Variants in ADGRA1 observed in about 807,000 individuals in gnomAD.
ADGRA1 encodes the protein adhesion G protein-coupled receptor A1.
ADGRA1 carries 12 observed loss-of-function variants against 21.3 expected under a neutral mutation model. That is an observed-to-expected ratio of 0.56 (90% CI 0.36 to 0.91). ADGRA1 has a LOEUF of 0.91. ADGRA1 is among the 40% of genes least tolerant of loss of function. The pLI is 0.01. For missense variants in ADGRA1, 790 were observed against 805.6 expected, an observed-to-expected ratio of 0.98 and a Z score of 0.23; for synonymous variants, 385 against 368.8, an observed-to-expected ratio of 1.04 and a Z score of -0.50.
intron 5 of ADGRA1, among the ~76,000 whole-genome samples, chr10:133,110,066 C>G (rs1395316376): frequency 6.6e-6 from 1 of 152,226 alleles, no homozygotes; most frequent in Non-Finnish European, 1.5e-5. Flanking sequence ...TGTGGTTTGT[C>G]TCCACAGAAG....
chr10:133,089,037 G>A (rs940605534), intron 2 of ADGRA1, 125 bp downstream of exon 2: 32 of 1,234,302 alleles, frequency 2.6e-5, no homozygotes, highest in East Asian at 3.2e-5. Context: ...CGGGCTTCCG[G>A]GCTCAGTGCC....
chr10:133,100,421 G>A (rs1466341844), intron 4 of ADGRA1, among the ~76,000 whole-genome samples: 2 of 152,232 alleles, frequency 1.3e-5, no homozygotes, highest in Non-Finnish European at 2.9e-5. Flanking sequence ...CTGGATCCGC[G>A]GGTGAGGCCC....
At chr10:133,096,677 T>A (rs967186995) in intron 2 of ADGRA1, among the ~76,000 whole-genome samples, 4 of 152,190 alleles carry the variant, frequency 2.6e-5, no homozygotes, top group Non-Finnish European at 4.4e-5. Context: ...GGCCGATACA[T>A]GGCCCCAGGA....
rs1324243562 is a variant in ADGRA1, at chr10:133,128,846, C to T, written c.1018C>T (p.Arg340Cys). ...TGACGCCAACGGGGCCGCGCTGGGC[C>T]GCGCCGCCTGCCTGCACTCGCCGGG... The part of the protein sequence containing the change: ...ALDANGAALG[R>C]AACLHSPGLG... The change falls in exon 7 of 7, where the codon CGC (arginine) becomes TGC (cysteine). Residue 340 changes from arginine to cysteine, a missense_variant. Physicochemically the swap from Arg to Cys is radical, Grantham distance 180. Transcript: ENST00000392607. 6.3e-6 allele frequency: 10 copies of T among 1,587,724 alleles called. No individual in the cohort carries two copies. Among genetic ancestry groups the T allele is most frequent in the East Asian group, 2.3e-5 (1 of 43,976 alleles).
At chr10:133,111,118 G>A (rs1010247488) in intron 5 of ADGRA1, among the ~76,000 whole-genome samples, 1 of 150,824 alleles carries the variant, frequency 6.6e-6, no homozygotes, top group Non-Finnish European at 1.5e-5. Context: ...AATCCTGCTG[G>A]CCACCTGCCC....
At chr10:133,105,199 C>A (rs1851870901) in intron 5 of ADGRA1, among the ~76,000 whole-genome samples, 1 of 152,252 alleles carries the variant, frequency 6.6e-6, no homozygotes, top group South Asian at 2.1e-4. Flanking sequence ...CCCACACCCT[C>A]TCTGGCCGTT....
Position 133,096,558 on chromosome 10 carries a change from G to C in ADGRA1, c.4-416G>C, listed in dbSNP as rs138413358. ...CGATGAGTGTGGGGCTCCCAGTGCA[G>C]GGCTGGGGCCATCCCATGGTTTCCC... On this transcript the variant is annotated intron_variant, in intron 2 of 6. Transcript: ENST00000392607. Among the ~76,000 whole-genome samples, 138 of 152,388 alleles carry C rather than the reference G, an allele frequency of 9.1e-4. 1 individual carries two copies. Among genetic ancestry groups the C allele is most frequent in the African/African-American group, 3.3e-3 (136 of 41,604 alleles).
At chr10:133,094,149 G>A (rs4838786) in intron 2 of ADGRA1, among the ~76,000 whole-genome samples, 3,508 of 152,368 alleles carry the variant, frequency 0.023, 58 homozygotes, top group Non-Finnish European at 0.035. Context: ...GCCTTCAGAC[G>A]AGAAGCCCCA....
At chr10:133,093,309 C>T in intron 2 of ADGRA1, 1 of 1,531,918 alleles carries the variant, frequency 6.5e-7, no homozygotes, top group Non-Finnish European at 8.8e-7. Context: ...CTGCTTCCTT[C>T]TCATCTTTCC....
In ADGRA1 at chr10:133,129,830, C is replaced by T. The variant is rs1034145139; in HGVS notation, c.*319C>T. 5 of 314,398 alleles carry T rather than the reference C, an allele frequency of 1.6e-5. No homozygotes were observed. The South Asian group carries it at 2.5e-4, about 16-fold the overall frequency. 19.5% of individuals were successfully genotyped at this position (314,398 alleles called of 1,614,324 possible). A position where few individuals can be genotyped will look rare whatever the true frequency, so the allele number is the denominator to read the frequency against. On this transcript the variant is annotated 3_prime_UTR_variant, in exon 7 of 7. Transcript: ENST00000392607. ...CGGTTTCTGTCCTGTGGTCTCCAGT[C>T]CTGGGGCACCCTAGAGGCAGAGCAG... is the stretch of plus-strand genomic sequence containing the variant.
rs558764609 is a variant in ADGRA1 at position 133,128,858 on chromosome 10, C to T, written c.1030C>T (p.Leu344=). ...GGCCGCGCTGGGCCGCGCCGCCTGCCTGCACTCGCCGGGACTGGGCCAGCC... is the reference window on the plus strand; with the variant it reads ...GGCCGCGCTGGGCCGCGCCGCCTGCTTGCACTCGCCGGGACTGGGCCAGCC... The part of the protein sequence containing the change: ...NGAALGRAAC[L]HSPGLGQPRG... Residue 344 remains leucine (L), a synonymous_variant, in exon 7 of 7, where the codon CTG becomes TTG. Transcript: ENST00000392607. 3.0e-4 allele frequency: 481 copies of T among 1,582,006 alleles called. 5 individuals carry two copies. The South Asian group carries it at 5.2e-3, about 17-fold the overall frequency.
Position 133,128,415 on chromosome 10 carries a change from G to C in ADGRA1, c.587G>C (p.Gly196Ala). The C allele has an allele frequency of 6.2e-7, 1 of 1,606,836 alleles. No homozygotes were observed. The highest frequency in any genetic ancestry group is 8.5e-7 in the Non-Finnish European group (1 of 1,177,488). ...CTGGTCACCTGTGTGTACTTCCTGG[G>C]CACCTACGTGCAGCTGCGGCGCCAC... ...ITLVTCVYFLGTYVQLRRHPG... is the reference protein window; with the variant it reads ...ITLVTCVYFLATYVQLRRHPG... Residue 196 changes from glycine (G) to alanine (A), a missense_variant, in exon 7 of 7, where the codon GGC becomes GCC. Transcript: ENST00000392607.
chr10:133,117,751 C>T (rs913670868), intron 5 of ADGRA1, among the ~76,000 whole-genome samples: 30 of 152,188 alleles, frequency 2.0e-4, no homozygotes, highest in Admixed American at 1.8e-3. Flanking sequence ...CAAGGGCAGC[C>T]GGCAGTGACT....
chr10:133,113,845 C>A (rs1852107425), intron 5 of ADGRA1, among the ~76,000 whole-genome samples: 1 of 152,264 alleles, frequency 6.6e-6, no homozygotes, highest in Admixed American at 6.5e-5. Context: ...GCCCCTTCCC[C>A]ATGTCCCTGT....
chr10:133,100,063 G>T (rs972148907), intron 4 of ADGRA1, among the ~76,000 whole-genome samples: 1 of 152,204 alleles, frequency 6.6e-6, no homozygotes, highest in Non-Finnish European at 1.5e-5. Context: ...GGGACGGGCC[G>T]GGCAGGCGCT....
In ADGRA1 at chr10:133,128,435, C is replaced by T. The variant is rs759071235; in HGVS notation, c.607C>T (p.Arg203Cys). Reference protein sequence around the residue: ...YFLGTYVQLRRHPGRRYELRT... With the variant: ...YFLGTYVQLRCHPGRRYELRT... Reference sequence around the variant, plus strand: ...CCTGGGCACCTACGTGCAGCTGCGGCGCCACCCAGGGCGCAGGTACGAGCT... The same window carrying T: ...CCTGGGCACCTACGTGCAGCTGCGGTGCCACCCAGGGCGCAGGTACGAGCT... The change falls in exon 7 of 7, where the codon CGC (arginine) becomes TGC (cysteine). Residue 203 changes from arginine to cysteine, a missense_variant. By Grantham distance (180) the Arg-to-Cys change is radical. Coordinates refer to ENST00000392607, the MANE Select transcript of ADGRA1 (RefSeq NM_001083909.3). 3 of 1,604,862 alleles carry T rather than the reference C, an allele frequency of 1.9e-6. No homozygotes were observed. The highest frequency in any genetic ancestry group is 2.3e-5 in the East Asian group (1 of 44,236).
intron 5 of ADGRA1, among the ~76,000 whole-genome samples, chr10:133,104,461 C>A (rs534636935): frequency 2.6e-4 from 39 of 152,324 alleles, no homozygotes; most frequent in African/African-American, 9.4e-4. Context: ...CGCCGCAGAG[C>A]CGTGCGTCTG....
intron 1 of ADGRA1, 135 bp from the exon 2 acceptor site, chr10:133,088,573 A>G: frequency 2.4e-6 from 1 of 412,984 alleles, no homozygotes; most frequent in Non-Finnish European, 3.7e-6. Context: ...CGCCAGCCCC[A>G]GGCGCAGCCC....
chr10:133,121,092 C>T (rs756665240), intron 5 of ADGRA1, among the ~76,000 whole-genome samples: 3 of 152,182 alleles, frequency 2.0e-5, no homozygotes, highest in Non-Finnish European at 4.4e-5. Context: ...CCGTCTTATA[C>T]GGGCGTGGTT....
Sources: allele counts gnomAD v4.1 joint callset (sites outside exome capture counted in the v4.1 genomes callset), GRCh38; gene constraint gnomAD v4.1.1; transcripts MANE v1.5; gene names NCBI Gene and HGNC (gene_info 2026-07-23, HGNC 2026-07-21).